Variants in CDK5RAP2 observed in about 807,000 individuals in gnomAD.
CDK5RAP2 encodes the protein CDK5 regulatory subunit associated protein 2.
Under a neutral mutation model 232.9 loss-of-function variants are expected in CDK5RAP2, and 147 were observed. That is an observed-to-expected ratio of 0.63 (90% CI 0.55 to 0.72). The LOEUF is 0.72. Ranked by LOEUF, CDK5RAP2 falls within the 30% of genes least tolerant of loss-of-function variation. The probability of loss-of-function intolerance (pLI) is 0.00; values close to 1 mark genes in which losing one functional copy is unlikely to be tolerated. For missense variants in CDK5RAP2, 2,195 were observed against 2,231.5 expected, an observed-to-expected ratio of 0.98 and a Z score of 0.33; for synonymous variants, 833 against 833.7, an observed-to-expected ratio of 1.00 and a Z score of 0.01.
chr9:120,428,145 G>A (rs1436865613), intron 25 of CDK5RAP2, among the ~76,000 whole-genome samples: 1 of 152,096 alleles, frequency 6.6e-6, no homozygotes, highest in Admixed American at 6.5e-5. Context: ...ATGCCCACAA[G>A]AGAAAGCAGG....
rs1356686712 is a variant in CDK5RAP2, at chr9:120,550,828, CTG to C, written c.268_269del (p.Gln90GlyfsTer7). On this transcript the variant is annotated frameshift_variant, in exon 4 of 38. Transcript: ENST00000349780. LOFTEE classifies it high-confidence loss of function. ...TATGTTCAGTGGGGCCATGAAATTC[CTG>C]TTGCATTCTTTCCTCAAGGAAATAG... ...RIYFLEERMQ[Q>X]EFHGPTEHIY... is the part of the protein sequence containing the mutation. The C allele has an allele frequency of 6.2e-7, 1 of 1,612,984 alleles. No individual in the cohort carries two copies. Among genetic ancestry groups the C allele is most frequent in the East Asian group, 2.2e-5 (1 of 44,838 alleles).
chr9:120,448,668 C>T (rs1339406792), intron 21 of CDK5RAP2, among the ~76,000 whole-genome samples: 1 of 152,148 alleles, frequency 6.6e-6, no homozygotes, highest in South Asian at 2.1e-4. Flanking sequence ...CCCGTGTCTC[C>T]GCTGCAAATC....
intron 24 of CDK5RAP2, among the ~76,000 whole-genome samples, chr9:120,438,751 GA>G (rs747435916): frequency 6.6e-6 from 1 of 152,158 alleles, no homozygotes. Flanking sequence ...GGGAAGTCTT[GA>G]AAAATTCATC....
chr9:120,498,236 C>T (rs1302367332), intron 12 of CDK5RAP2, among the ~76,000 whole-genome samples: 2 of 152,194 alleles, frequency 1.3e-5, no homozygotes, highest in Admixed American at 1.3e-4. Context: ...TAGCGATGGC[C>T]CCCTAGTGCC....
chr9:120,453,323 G>C, intron 21 of CDK5RAP2, 133 bp downstream of exon 21: 2 of 786,352 alleles, frequency 2.5e-6, no homozygotes, highest in East Asian at 5.4e-5. Flanking sequence ...GGAGGCCAGG[G>C]TAAGTGCAAG....
intron 34 of CDK5RAP2, among the ~76,000 whole-genome samples, chr9:120,401,302 T>C (rs2032985477): frequency 6.6e-6 from 1 of 151,932 alleles, no homozygotes; most frequent in Non-Finnish European, 1.5e-5. Flanking sequence ...GAATATGATA[T>C]CAGGGTCTTG....
intron 35 of CDK5RAP2, 65 bp downstream of exon 35, chr9:120,400,677 G>A (rs2032925394): frequency 1.3e-6 from 2 of 1,599,192 alleles, no homozygotes; most frequent in African/African-American, 2.7e-5. Context: ...TGCTTGGCAT[G>A]GAGGAAACTG....
At chr9:120,518,211 G>C (rs1007699382) in intron 12 of CDK5RAP2, among the ~76,000 whole-genome samples, 135 of 31,644 alleles carry the variant, frequency 4.3e-3, no homozygotes, top group African/African-American at 9.4e-3. Context: ...GTGTGTGTGT[G>C]AGAGAGAGAG....
chr9:120,464,651 C>T (rs530965389), intron 18 of CDK5RAP2, among the ~76,000 whole-genome samples: 1 of 152,178 alleles, frequency 6.6e-6, no homozygotes, highest in East Asian at 1.9e-4. Context: ...TAACAAGACT[C>T]TCAGGAAATA....
rs778471546 is a variant in CDK5RAP2 at position 120,470,180 on chromosome 9, T to G, written c.1899A>C (p.Leu633=). The G allele has an allele frequency of 3.1e-6, 5 of 1,595,440 alleles. No homozygotes were observed. In the Admixed American group the frequency reaches 8.4e-5, roughly 27 times the overall value. ...FSLYSDQTSY[L]SICLEENNRF... ...GATTGTTTTCTTCAAGGCAAATACT[T>G]AGATAAGATGTTTGATCACTATAAA... Residue 633 remains leucine, a synonymous_variant, in exon 17 of 38, where the codon CTA becomes CTC. Transcript: ENST00000349780.
intron 12 of CDK5RAP2, among the ~76,000 whole-genome samples, chr9:120,496,931 C>T (rs1244345959): frequency 7.1e-6 from 1 of 140,808 alleles, no homozygotes; most frequent in Non-Finnish European, 1.5e-5. Context: ...TCATTGAGAA[C>T]GGGCCAGGAT....
chr9:120,467,697 G>A (rs1442577497), intron 18 of CDK5RAP2, among the ~76,000 whole-genome samples, 163 bp downstream of exon 18: 1 of 152,072 alleles, frequency 6.6e-6, no homozygotes, highest in Non-Finnish European at 1.5e-5. Context: ...CCGGGCTGGA[G>A]TGTAGTGGTG....
intron 19 of CDK5RAP2, 109 bp downstream of exon 19, chr9:120,460,463 G>A: frequency 2.0e-6 from 2 of 981,154 alleles, no homozygotes; most frequent in Non-Finnish European, 3.2e-6. Flanking sequence ...AAAGGTACAG[G>A]ATATAGGCAG....
intron 2 of CDK5RAP2, among the ~76,000 whole-genome samples, chr9:120,570,095 AG>A (rs1442016013): frequency 1.3e-5 from 2 of 152,198 alleles, no homozygotes; most frequent in Non-Finnish European, 2.9e-5. Flanking sequence ...GAGAAACAAA[AG>A]GAAGGAGAGA....
At chr9:120,489,624 T>C (rs1361801983) in intron 13 of CDK5RAP2, among the ~76,000 whole-genome samples, 1 of 152,200 alleles carries the variant, frequency 6.6e-6, no homozygotes, top group Non-Finnish European at 1.5e-5. Context: ...TTTTTATATT[T>C]GCAGTCCTAC....
At chr9:120,460,257 T>C (rs564134164) in intron 19 of CDK5RAP2, among the ~76,000 whole-genome samples, 11 of 152,340 alleles carry the variant, frequency 7.2e-5, no homozygotes, top group Non-Finnish European at 1.0e-4. Context: ...CTTCAGTTTC[T>C]AATTCATAAA....
chr9:120,530,288 A>AT (rs1367291888), intron 7 of CDK5RAP2, 148 bp from the exon 8 acceptor site: 20 of 632,418 alleles, frequency 3.2e-5, no homozygotes, highest in Non-Finnish European at 5.3e-5. Flanking sequence ...CAGGTAGGAG[A>AT]TTAAGCGTCA....
At chr9:120,452,370 ACTCT>A (rs981733891) in intron 21 of CDK5RAP2, among the ~76,000 whole-genome samples, 1 of 151,950 alleles carries the variant, frequency 6.6e-6, no homozygotes, top group African/African-American at 2.4e-5. Flanking sequence ...GATATATCTA[ACTCT>A]CTTTTGTATG....
At chr9:120,567,705 G>C (rs2042697357) in intron 3 of CDK5RAP2, among the ~76,000 whole-genome samples, 1 of 152,166 alleles carries the variant, frequency 6.6e-6, no homozygotes, top group African/African-American at 2.4e-5. Context: ...ACAGTACTAG[G>C]TACAGGCTAC....
Sources: gnomAD v4.1 joint callset for allele counts (sites outside exome capture counted in the v4.1 genomes callset) on GRCh38, gnomAD v4.1.1 for gene constraint, MANE v1.5 for transcripts, NCBI Gene and HGNC (gene_info 2026-07-23, HGNC 2026-07-21) for gene names.